Variants in CBFB observed in about 807,000 individuals in gnomAD.
CBFB encodes the protein core-binding factor subunit beta.
Under a neutral mutation model 30.4 loss-of-function variants are expected in CBFB, and 9 were observed. That is an observed-to-expected ratio of 0.30 (90% CI 0.18 to 0.52). The LOEUF is 0.52. Ranked by LOEUF, CBFB falls within the 20% of genes least tolerant of loss-of-function variation. The probability of loss-of-function intolerance (pLI) is 0.97; values close to 1 mark genes in which losing one functional copy is unlikely to be tolerated. For synonymous variants in CBFB, 94 were observed against 84.0 expected, an observed-to-expected ratio of 1.12 and a Z score of -0.65; for missense variants, 170 against 244.0, an observed-to-expected ratio of 0.70 and a Z score of 2.02.
At chr16:67,086,673 T>C (rs1003994671) in intron 5 of CBFB, among the ~76,000 whole-genome samples, 1 of 152,202 alleles carries the variant, frequency 6.6e-6, no homozygotes, top group Non-Finnish European at 1.5e-5. Flanking sequence ...ATTCTAAATA[T>C]TTATAATGTG....
chr16:67,090,972 C>T (rs1358054719), intron 5 of CBFB, among the ~76,000 whole-genome samples: 1 of 150,112 alleles, frequency 6.7e-6, no homozygotes, highest in East Asian at 1.9e-4. Flanking sequence ...CCGAAGACTT[C>T]AGTTTTCAAA....
chr16:67,064,781 A>G (rs1303432229), intron 3 of CBFB, among the ~76,000 whole-genome samples: 1 of 152,096 alleles, frequency 6.6e-6, no homozygotes, highest in Non-Finnish European at 1.5e-5. Flanking sequence ...AGAGTTATTT[A>G]TTTACTTGAA....
intron 5 of CBFB, among the ~76,000 whole-genome samples, chr16:67,085,649 T>G (rs926930934): frequency 1.4e-5 from 2 of 147,662 alleles, no homozygotes; most frequent in Admixed American, 6.8e-5. Context: ...TGTGAACCAC[T>G]GCACCCAGCC....
chr16:67,058,159 G>GT (rs1960784348), intron 3 of CBFB, among the ~76,000 whole-genome samples: 2 of 152,046 alleles, frequency 1.3e-5, no homozygotes, highest in African/African-American at 2.4e-5. Flanking sequence ...TGTTGTTGTT[G>GT]AGATGGAGTC....
chr16:67,064,451 C>T (rs1443727262), intron 3 of CBFB, among the ~76,000 whole-genome samples: 1 of 152,212 alleles, frequency 6.6e-6, no homozygotes, highest in East Asian at 1.9e-4. Flanking sequence ...GTGATCCACC[C>T]GCCTCAGCCT....
chr16:67,032,329 A>T (rs1966365697), intron 2 of CBFB, among the ~76,000 whole-genome samples: 1 of 152,220 alleles, frequency 6.6e-6, no homozygotes, highest in Admixed American at 6.5e-5. Flanking sequence ...GGTCTCCAAA[A>T]ATAAAACAAG....
intron 2 of CBFB, 99 bp downstream of exon 2, chr16:67,029,912 G>A: frequency 1.5e-6 from 1 of 679,010 alleles, no homozygotes. Flanking sequence ...TGCGGCTCCC[G>A]GAACTGAGTG....
intron 1 of CBFB, 70 bp from the exon 2 acceptor site, chr16:67,029,657 C>T: frequency 7.0e-7 from 1 of 1,419,542 alleles, no homozygotes; most frequent in Non-Finnish European, 9.7e-7. Flanking sequence ...ATCGGCGCTG[C>T]GCTGGGAGGG....
intron 5 of CBFB, among the ~76,000 whole-genome samples, chr16:67,090,623 G>C (rs1015033984): frequency 6.6e-6 from 1 of 152,168 alleles, no homozygotes; most frequent in Non-Finnish European, 1.5e-5. Context: ...ACCTAAAACT[G>C]TAATATAGCA....
intron 4 of CBFB, among the ~76,000 whole-genome samples, chr16:67,067,476 C>T (rs1223567413): frequency 2.0e-5 from 3 of 152,210 alleles, no homozygotes; most frequent in African/African-American, 7.2e-5. Flanking sequence ...CGAGATTGCG[C>T]TACTGCACTC....
chr16:67,098,660 T>C, intron 5 of CBFB, 50 bp from the exon 6 acceptor site: 1 of 1,112,656 alleles, frequency 9.0e-7, no homozygotes, highest in African/African-American at 1.5e-5. Context: ...ATCTAGTATT[T>C]TGATTGTCAA....
intron 3 of CBFB, among the ~76,000 whole-genome samples, chr16:67,060,957 C>T (rs1312900867): frequency 6.6e-6 from 1 of 152,200 alleles, no homozygotes; most frequent in Non-Finnish European, 1.5e-5. Context: ...ATAAACATTT[C>T]ATTCCTTTTT....
chr16:67,070,232 TAAGA>T (rs1310863395), intron 4 of CBFB, among the ~76,000 whole-genome samples: 1 of 152,208 alleles, frequency 6.6e-6, no homozygotes, highest in Non-Finnish European at 1.5e-5. Flanking sequence ...TTAAAAGTCT[TAAGA>T]AAGAATTCTT....
chr16:67,050,007 T>C (rs1049181145), intron 3 of CBFB, among the ~76,000 whole-genome samples: 1 of 151,898 alleles, frequency 6.6e-6, no homozygotes, highest in South Asian at 2.1e-4. Context: ...GACCCACTTA[T>C]TTTTTACCCC....
At chr16:67,075,708 G>A (rs1481983403) in intron 4 of CBFB, among the ~76,000 whole-genome samples, 3 of 152,118 alleles carry the variant, frequency 2.0e-5, no homozygotes, top group East Asian at 1.9e-4. Flanking sequence ...TGTAAACTGC[G>A]CAAATGGCCA....
chr16:67,076,176 G>A (rs1257466247), intron 4 of CBFB, among the ~76,000 whole-genome samples: 1 of 151,750 alleles, frequency 6.6e-6, no homozygotes, highest in Non-Finnish European at 1.5e-5. Context: ...GTTGCAGTGA[G>A]CTGAGATCGC....
chr16:67,089,840 C>A (rs1384463742), intron 5 of CBFB, among the ~76,000 whole-genome samples: 1 of 152,144 alleles, frequency 6.6e-6, no homozygotes, highest in Non-Finnish European at 1.5e-5. Flanking sequence ...GTAAAAACTC[C>A]CTCCCAGGTT....
Position 67,098,773 on chromosome 16 carries a change from C to G in CBFB, c.559C>G (p.Arg187Gly). ...AGGTGGTGGTGATGACCTCAAACTT[C>G]GTTAATTAATAGCACAGCAGATGTG... ...NLGGGDDLKLR is the reference protein window; with the variant it reads ...NLGGGDDLKLG Residue 187 changes from arginine to glycine, a missense_variant, in exon 6 of 6, where the codon CGT becomes GGT. Coordinates refer to ENST00000412916, the MANE Select transcript of CBFB (RefSeq NM_022845.3). 3.2e-6 allele frequency: 5 copies of G among 1,583,318 alleles called. No homozygotes were observed. The highest frequency in any genetic ancestry group is 4.3e-6 in the Non-Finnish European group (5 of 1,152,156).
intron 5 of CBFB, among the ~76,000 whole-genome samples, chr16:67,086,499 TTG>T (rs1961735347): frequency 6.6e-6 from 1 of 152,226 alleles, no homozygotes; most frequent in Non-Finnish European, 1.5e-5. Flanking sequence ...CCCCTGATTT[TTG>T]TGTCTTCCAC....
Sources: allele counts gnomAD v4.1 joint callset (sites outside exome capture counted in the v4.1 genomes callset), GRCh38; gene constraint gnomAD v4.1.1; transcripts MANE v1.5; gene names NCBI Gene and HGNC (gene_info 2026-07-23, HGNC 2026-07-21).